Variants in KHDRBS3 observed in about 807,000 individuals in gnomAD.
KHDRBS3 encodes KH RNA binding domain containing, signal transduction associated 3, also known as KH domain-containing, RNA-binding, signal transduction-associated protein 3.
In KHDRBS3, 23 loss-of-function variants were observed where a neutral mutation model predicts 45.6. The ratio of observed to expected loss-of-function variants is 0.50; its 90% CI spans 0.36 to 0.72. KHDRBS3 has a LOEUF of 0.72. KHDRBS3 is among the 30% of genes least tolerant of loss of function. The pLI is 0.00. For missense variants in KHDRBS3, 352 were observed against 424.8 expected, an observed-to-expected ratio of 0.83 and a Z score of 1.51; for synonymous variants, 162 against 156.5, an observed-to-expected ratio of 1.04 and a Z score of -0.26.
At chr8:135,490,944 T>A (rs1823118560) in intron 1 of KHDRBS3, among the ~76,000 whole-genome samples, 1 of 152,232 alleles carries the variant, frequency 6.6e-6, no homozygotes, top group Non-Finnish European at 1.5e-5. Context: ...AATTTTTATG[T>A]TGGCATTATT....
chr8:135,462,539 A>G (rs1019648833), intron 1 of KHDRBS3, among the ~76,000 whole-genome samples: 13 of 152,154 alleles, frequency 8.5e-5, no homozygotes, highest in Admixed American at 3.9e-4. Context: ...TAGTCCTTCA[A>G]CTATGCTGAA....
chr8:135,569,757 G>A (rs1827611477), intron 5 of KHDRBS3, among the ~76,000 whole-genome samples: 1 of 152,138 alleles, frequency 6.6e-6, no homozygotes, highest in South Asian at 2.1e-4. Flanking sequence ...CAGTCACCCA[G>A]GGCAGGTTCT....
intron 5 of KHDRBS3, among the ~76,000 whole-genome samples, chr8:135,579,358 A>T (rs1156952681): frequency 6.6e-6 from 1 of 152,092 alleles, no homozygotes; most frequent in African/African-American, 2.4e-5. Context: ...CTTGAGACAG[A>T]GTCTCGCTCT....
intron 7 of KHDRBS3, among the ~76,000 whole-genome samples, chr8:135,620,406 G>A (rs1006076149): frequency 6.6e-6 from 1 of 152,000 alleles, no homozygotes; most frequent in African/African-American, 2.4e-5. Flanking sequence ...CCGGTAGCAA[G>A]GCCCTTCCTG....
intron 5 of KHDRBS3, among the ~76,000 whole-genome samples, chr8:135,558,376 G>T (rs1826996820): frequency 6.6e-6 from 1 of 152,078 alleles, no homozygotes; most frequent in African/African-American, 2.4e-5. Flanking sequence ...AAAGAATAAT[G>T]CAAATTTTTC....
intron 1 of KHDRBS3, among the ~76,000 whole-genome samples, chr8:135,474,256 C>T (rs967648222): frequency 6.6e-6 from 1 of 152,176 alleles, no homozygotes; most frequent in Non-Finnish European, 1.5e-5. Context: ...GGCCCCAGCT[C>T]ACATCACATT....
intron 1 of KHDRBS3, among the ~76,000 whole-genome samples, chr8:135,498,705 C>CT (rs201419255): frequency 1.5e-4 from 22 of 150,566 alleles, no homozygotes; most frequent in South Asian, 4.2e-4. Context: ...GTTTTTTCTT[C>CT]TTTTTTTTAA....
Position 135,457,977 on chromosome 8 carries a change from C to T in KHDRBS3, c.88+23C>T. The T allele has an allele frequency of 6.4e-7, 1 of 1,567,978 alleles. No homozygotes were observed. Among genetic ancestry groups the T allele is most frequent in the Non-Finnish European group, 8.6e-7 (1 of 1,158,488 alleles). On this transcript the variant is annotated intron_variant, in intron 1 of 8. Coordinates refer to ENST00000355849, the MANE Select transcript of KHDRBS3 (RefSeq NM_006558.3). The surrounding 1 kb of genome is among the most constrained non-coding windows in gnomAD (Gnocchi z 4.4). ...AAGGTGAGGCGCCGGCCGTTAACTG[C>T]CGGCCGGCGGCGGTTGGGGGCCGGG...
At chr8:135,481,954 A>T (rs1168216949) in intron 1 of KHDRBS3, among the ~76,000 whole-genome samples, 1 of 152,126 alleles carries the variant, frequency 6.6e-6, no homozygotes, top group Non-Finnish European at 1.5e-5. Context: ...CAAACTAGAA[A>T]ACTGAAGGTT....
At chr8:135,537,302 T>C (rs11985180) in intron 2 of KHDRBS3, among the ~76,000 whole-genome samples, 15,784 of 152,224 alleles carry the variant, frequency 0.1, 909 homozygotes, top group East Asian at 0.18. Context: ...ATCAGCTTTT[T>C]GGTGAGCACT....
chr8:135,640,118 G>T (rs1171438133), intron 7 of KHDRBS3, among the ~76,000 whole-genome samples: 2 of 152,102 alleles, frequency 1.3e-5, no homozygotes, highest in African/African-American at 4.8e-5. Flanking sequence ...AATTCCAGAG[G>T]GTGCAGTGAC....
At chr8:135,603,757 A>T (rs1829323473) in intron 6 of KHDRBS3, among the ~76,000 whole-genome samples, 1 of 152,126 alleles carries the variant, frequency 6.6e-6, no homozygotes, top group South Asian at 2.1e-4. Flanking sequence ...TACAAAGTTG[A>T]AAGCTTTATA....
chr8:135,481,352 G>T (rs1321528782), intron 1 of KHDRBS3, among the ~76,000 whole-genome samples: 4 of 149,682 alleles, frequency 2.7e-5, no homozygotes, highest in Non-Finnish European at 5.9e-5. Flanking sequence ...CAGTTCAGGT[G>T]TTATCACCTA....
At chr8:135,518,094 GA>G (rs1824712222) in intron 1 of KHDRBS3, among the ~76,000 whole-genome samples, 1 of 152,144 alleles carries the variant, frequency 6.6e-6, no homozygotes, top group Non-Finnish European at 1.5e-5. Flanking sequence ...AAAACGTGTG[GA>G]ATTCTGAATT....
At position 135,547,157 on chromosome 8, in the gene KHDRBS3, G is replaced by A. The variant is rs1826347778; in HGVS notation, c.325-1597G>A. On this transcript the variant is annotated intron_variant, in intron 3 of 8. Transcript: ENST00000355849. Reference sequence around the variant, plus strand: ...TTCTGATTAGAACAATGAAGAGTTGGCGTAAGATAATGTTTTGTATAGTCA... The same window carrying A: ...TTCTGATTAGAACAATGAAGAGTTGACGTAAGATAATGTTTTGTATAGTCA... Among the ~76,000 whole-genome samples, 4 of 152,076 alleles carry A rather than the reference G, an allele frequency of 2.6e-5. No homozygotes were observed. In the South Asian group the frequency reaches 8.3e-4, roughly 32 times the overall value.
chr8:135,484,875 CTGGGAGGTAGTAACATTTATTAAA>C (rs1299227925), intron 1 of KHDRBS3, among the ~76,000 whole-genome samples: 3 of 152,098 alleles, frequency 2.0e-5, no homozygotes, highest in African/African-American at 7.2e-5. Context: ...TATTTATTGC[CTGGGAGGTAGTAACATTTATTAAA>C]TGCTAGCTAT....
chr8:135,656,406 TA>T (rs1458479283), exon 5 of KHDRBS3: 1 of 152,158 alleles, frequency 6.6e-6, no homozygotes, highest in Non-Finnish European at 1.5e-5. Flanking sequence ...CCTACTTTTT[TA>T]AAAAACGGAA....
chr8:135,599,630 C>T (rs1829116534), intron 6 of KHDRBS3, among the ~76,000 whole-genome samples: 2 of 152,176 alleles, frequency 1.3e-5, no homozygotes, highest in Admixed American at 1.3e-4. Flanking sequence ...ATGTGCTAGA[C>T]ACTGGGAATA....
intron 1 of KHDRBS3, chr8:135,458,936 G>T (rs541114196): frequency 1.4e-4 from 66 of 456,276 alleles, no homozygotes; most frequent in African/African-American, 1.2e-3. Context: ...CTTCCTGGGA[G>T]CAGTCTCCTA....
Sources: allele counts gnomAD v4.1 joint callset (sites outside exome capture counted in the v4.1 genomes callset), GRCh38; gene constraint gnomAD v4.1.1; non-coding constraint Gnocchi (gnomAD v3.1); transcripts MANE v1.5; gene names NCBI Gene and HGNC (gene_info 2026-07-23, HGNC 2026-07-21).